PTPRN2: variants seen among roughly 807,000 people sequenced by gnomAD.
PTPRN2 encodes receptor-type tyrosine-protein phosphatase N2.
PTPRN2 carries 74 observed loss-of-function variants against 118.8 expected under a neutral mutation model. The observed-to-expected ratio is 0.62, with a 90% CI of 0.52 to 0.76. The LOEUF (loss-of-function observed/expected upper bound fraction) is 0.76, where lower values mean the gene tolerates loss of function less well. Among genes scored for constraint, PTPRN2 ranks in the 30% least tolerant of loss-of-function variants. The pLI, the probability that PTPRN2 is intolerant of heterozygous loss-of-function variation, is 0.00. For missense variants in PTPRN2, 1,481 were observed against 1,394.4 expected (o/e 1.06, Z -0.99); for synonymous variants, 641 against 608.0 (o/e 1.05, Z -0.80).
chr7:157,621,870 A>C (rs1490729568), intron 14 of PTPRN2, among the ~76,000 whole-genome samples: 1 of 151,908 alleles, frequency 6.6e-6, no homozygotes, highest in Non-Finnish European at 1.5e-5. Context: ...CTTGCATGGA[A>C]GTCATTTTTC....
chr7:158,296,927 A>T (rs1167772838), intron 3 of PTPRN2, among the ~76,000 whole-genome samples: 2 of 152,196 alleles, frequency 1.3e-5, no homozygotes, highest in African/African-American at 4.8e-5. Flanking sequence ...CCCGGCACTC[A>T]GGGAACTCTA....
intron 12 of PTPRN2, among the ~76,000 whole-genome samples, chr7:157,891,898 G>T (rs890530689): frequency 6.6e-6 from 1 of 152,156 alleles, no homozygotes; most frequent in African/African-American, 2.4e-5. Context: ...AGAGATGGGG[G>T]GCTCTTTGCC....
intron 3 of PTPRN2, among the ~76,000 whole-genome samples, chr7:158,255,955 T>C (rs1796995931): frequency 6.6e-6 from 1 of 152,200 alleles, no homozygotes; most frequent in African/African-American, 2.4e-5. Context: ...CAGAACTACC[T>C]CTGTCCTCAG....
At chr7:158,314,691 G>T (rs112203206) in intron 3 of PTPRN2, among the ~76,000 whole-genome samples, 1 of 149,100 alleles carries the variant, frequency 6.7e-6, no homozygotes, top group Non-Finnish European at 1.5e-5. Context: ...CTCTCAACCC[G>T]CAGTTTGGCT....
intron 2 of PTPRN2, among the ~76,000 whole-genome samples, chr7:158,353,366 G>T (rs930012882): frequency 1.3e-5 from 2 of 152,230 alleles, no homozygotes; most frequent in African/African-American, 4.8e-5. Context: ...ACTATGAGTG[G>T]ACATTCACTT....
rs368815667 is a variant in PTPRN2 at position 157,994,682 on chromosome 7, C to T, written c.1723+86616G>A. Among the ~76,000 whole-genome samples, 791 of 102,822 alleles carry T rather than the reference C, an allele frequency of 7.7e-3. 3 individuals carry two copies. The highest frequency in any genetic ancestry group is 0.033 in the African/African-American group (698 of 21,416). The allele number at this position is 102,822 out of a possible 152,430, so 67.5% of individuals were successfully genotyped here. On this transcript the variant is annotated intron_variant, in intron 11 of 22. Coordinates refer to ENST00000389418, the MANE Select transcript of PTPRN2 (RefSeq NM_002847.5). Reference sequence around the variant, plus strand: ...CTCCTTGTTCCTAAAATCAACGCCGCGTCCCCAGCTTACAGCTCCTTGTTC... The same window carrying T: ...CTCCTTGTTCCTAAAATCAACGCCGTGTCCCCAGCTTACAGCTCCTTGTTC...
chr7:158,247,720 G>A (rs530987872), intron 3 of PTPRN2, among the ~76,000 whole-genome samples: 31 of 152,224 alleles, frequency 2.0e-4, no homozygotes, highest in African/African-American at 6.0e-4. Context: ...GGGTTCAAGC[G>A]ATTCTCCTGC....
intron 1 of PTPRN2, among the ~76,000 whole-genome samples, chr7:158,527,300 G>GC (rs111783411): frequency 0.016 from 2,408 of 151,738 alleles, 65 homozygotes; most frequent in African/African-American, 0.055. Flanking sequence ...CCCCGGCCAT[G>GC]CCCCCCGCCA....
chr7:157,980,082 TTAAG>T (rs1803022266), intron 11 of PTPRN2, among the ~76,000 whole-genome samples: 1 of 152,228 alleles, frequency 6.6e-6, no homozygotes, highest in African/African-American at 2.4e-5. Context: ...CCTCATTTCA[TTAAG>T]TTTCAGTGAC....
intron 11 of PTPRN2, among the ~76,000 whole-genome samples, chr7:157,921,446 C>A (rs546894510): frequency 3.9e-5 from 6 of 152,322 alleles, no homozygotes; most frequent in African/African-American, 1.2e-4. Flanking sequence ...ATGTACCATC[C>A]TGCTGTGGCT....
chr7:158,177,602 T>C (rs138490226), intron 5 of PTPRN2, among the ~76,000 whole-genome samples: 1 of 152,190 alleles, frequency 6.6e-6, no homozygotes, highest in African/African-American at 2.4e-5. Flanking sequence ...ATAACCCAGT[T>C]TGCATTTTCT....
At chr7:157,664,121 G>A (rs1050596620) in intron 13 of PTPRN2, among the ~76,000 whole-genome samples, 3 of 152,214 alleles carry the variant, frequency 2.0e-5, no homozygotes, top group Non-Finnish European at 4.4e-5. Context: ...CTACAGCGGG[G>A]GAGGGGGCCA....
At chr7:158,228,979 C>A (rs1325921289) in intron 3 of PTPRN2, among the ~76,000 whole-genome samples, 1 of 152,134 alleles carries the variant, frequency 6.6e-6, no homozygotes, top group Non-Finnish European at 1.5e-5. Context: ...ATCAGAGTGG[C>A]TGCTCACAGC....
chr7:158,376,945 C>T (rs1810580944), intron 2 of PTPRN2, among the ~76,000 whole-genome samples: 1 of 86,428 alleles, frequency 1.2e-5, no homozygotes, highest in African/African-American at 4.5e-5. Context: ...TCAGGGGACT[C>T]CCCCACAGCC....
At chr7:158,439,591 T>C (rs1179214784) in intron 2 of PTPRN2, among the ~76,000 whole-genome samples, 1 of 152,216 alleles carries the variant, frequency 6.6e-6, no homozygotes, top group Middle Eastern at 3.2e-3. Context: ...TATCATTTGG[T>C]CCTTTACAGA....
chr7:158,321,875 G>A (rs1803047617), intron 2 of PTPRN2, among the ~76,000 whole-genome samples: 1 of 152,312 alleles, frequency 6.6e-6, no homozygotes, highest in African/African-American at 2.4e-5. Flanking sequence ...CCGCTAACGT[G>A]TTTAACTGCC....
At chr7:158,184,328 T>C (rs562152369) in intron 5 of PTPRN2, among the ~76,000 whole-genome samples, 1 of 152,324 alleles carries the variant, frequency 6.6e-6, no homozygotes, top group South Asian at 2.1e-4. Context: ...CTTACACATA[T>C]TTTAGATTCA....
chr7:157,578,294 G>A (rs1329108757), intron 17 of PTPRN2, among the ~76,000 whole-genome samples, 154 bp from the exon 18 acceptor site: 1 of 152,170 alleles, frequency 6.6e-6, no homozygotes, highest in Non-Finnish European at 1.5e-5. Flanking sequence ...AGCTGCCTGA[G>A]CATCTCTGAA....
chr7:158,214,155 G>A (rs1483263911), intron 3 of PTPRN2, among the ~76,000 whole-genome samples: 1 of 152,044 alleles, frequency 6.6e-6, no homozygotes, highest in African/African-American at 2.4e-5. Context: ...TCTGTCCGTG[G>A]CATATCTTGG....
Sources: gnomAD v4.1 joint callset for allele counts (sites outside exome capture counted in the v4.1 genomes callset) on GRCh38, gnomAD v4.1.1 for gene constraint, MANE v1.5 for transcripts, NCBI Gene and HGNC (gene_info 2026-07-23, HGNC 2026-07-21) for gene names.